The following HAPLN2 variants were observed in gnomAD, a reference collection of about 807,000 sequenced individuals.
HAPLN2 encodes the protein brain link protein-1.
HAPLN2 carries 27 observed loss-of-function variants against 29.3 expected under a neutral mutation model. That is an observed-to-expected ratio of 0.92 (90% CI 0.68 to 1.27). HAPLN2 has a LOEUF of 1.27. Ranked by LOEUF, HAPLN2 falls within the 50% of genes most tolerant of loss-of-function variation. The pLI is 0.00. For synonymous variants in HAPLN2, 208 were observed against 211.7 expected, an observed-to-expected ratio of 0.98 and a Z score of 0.15; for missense variants, 454 against 484.3, an observed-to-expected ratio of 0.94 and a Z score of 0.59.
In HAPLN2 at chr1:156,625,257, G is replaced by T; in HGVS notation, c.896G>T (p.Ser299Ile). 1 of 1,575,380 alleles carries T rather than the reference G, an allele frequency of 6.3e-7. No homozygotes were observed. The highest frequency in any genetic ancestry group is 1.2e-5 in the South Asian group (1 of 86,014). ...QCDGGWLADG[S>I]VRFPITTPRP... Reference sequence around the variant, plus strand: ...GACGGCGGCTGGCTGGCTGACGGCAGTGTGCGCTTCCCAATCACCACGCCG... The same window carrying T: ...GACGGCGGCTGGCTGGCTGACGGCATTGTGCGCTTCCCAATCACCACGCCG... The change falls in exon 7 of 7, where the codon AGT (serine) becomes ATT (isoleucine). Residue 299 changes from serine (S) to isoleucine (I), a missense_variant. Coordinates refer to ENST00000255039, the MANE Select transcript of HAPLN2 (RefSeq NM_021817.3). The surrounding 1 kb of genome is among the most constrained non-coding windows in gnomAD (Gnocchi z 5.7).
Position 156,623,886 on chromosome 1 carries a change from G to A in HAPLN2, c.165G>A (p.Leu55=), listed in dbSNP as rs1265654790. ...CTCATCGTGGGGCCACGGCCACGCT[G>A]CCCTGCGTCCTGGGCACCACGCCTC... ...IHSHRGATAT[L]PCVLGTTPPS... The change falls in exon 4 of 7, where the codon CTG becomes CTA. Residue 55 remains leucine (L), a synonymous_variant. Transcript: ENST00000255039. 6.3e-7 allele frequency: 1 copy of A among 1,586,314 alleles called. No individual in the cohort carries two copies. The highest frequency in any genetic ancestry group is 1.3e-5 in the African/African-American group (1 of 74,510).
At chr1:156,608,389 C>G in the HAPLN2 span, among the ~76,000 whole-genome samples, 1 of 152,282 alleles carries the variant, frequency 6.6e-6, no homozygotes, top group East Asian at 1.9e-4. Context: ...CCCTCTGGGT[C>G]TTGTCTCTGC....
chr1:156,605,622 G>C, the HAPLN2 span, among the ~76,000 whole-genome samples: 1 of 66,782 alleles, frequency 1.5e-5, no homozygotes. Context: ...AAAAAAAAAA[G>C]CAAAGGGCCC....
Position 156,625,050 on chromosome 1 carries a change from G to T in HAPLN2, c.740-51G>T, listed in dbSNP as rs190968146. 1.8e-3 allele frequency: 2,749 copies of T among 1,520,466 alleles called. 49 individuals carry two copies. In the African/African-American group the frequency reaches 0.034, roughly 19 times the overall value. The allele number at this position is 1,520,466 out of a possible 1,614,324, so 94.2% of individuals were successfully genotyped here. A position where few individuals can be genotyped will look rare whatever the true frequency, so the allele number is the denominator to read the frequency against. On this transcript the variant is annotated intron_variant, in intron 6 of 6. Transcript: ENST00000255039. This position sits in a 1 kb window ranked among gnomAD's most constrained non-coding sequence, Gnocchi z 5.7. ...CAACTCCGCCTCCTGGGTGTCAGCC[G>T]CCCCTCTCCGCCCACCCTGCCCTCG...
the HAPLN2 span, among the ~76,000 whole-genome samples, chr1:156,602,993 TC>T: frequency 6.6e-6 from 1 of 152,094 alleles, no homozygotes; most frequent in African/African-American, 2.4e-5. Flanking sequence ...TACCCATTCA[TC>T]CCCATAATTT....
the HAPLN2 span, among the ~76,000 whole-genome samples, chr1:156,602,188 C>T: frequency 6.6e-6 from 1 of 152,160 alleles, no homozygotes; most frequent in South Asian, 2.1e-4. Flanking sequence ...GATATGCACA[C>T]CTCGGCTTCC....
Position 156,625,222 on chromosome 1 carries a change from A to T in HAPLN2, c.861A>T (p.Leu287=). 6.4e-7 allele frequency: 1 copy of T among 1,568,210 alleles called. No homozygotes were observed. ...ACGCCGCCTGGAAGTTTTCGGGGCT[A>T]GACCAGTGCGACGGCGGCTGGCTGG... is the stretch of plus-strand genomic sequence containing the variant. ...HLYAAWKFSG[L]DQCDGGWLAD... The change falls in exon 7 of 7, where the codon CTA becomes CTT. Residue 287 remains leucine, a synonymous_variant. Coordinates refer to ENST00000255039, the MANE Select transcript of HAPLN2 (RefSeq NM_021817.3). This position sits in a 1 kb window ranked among gnomAD's most constrained non-coding sequence, Gnocchi z 5.7.
At chr1:156,623,708 T>C in intron 3 of HAPLN2, 99 bp from the exon 4 acceptor site, 1 of 1,503,588 alleles carries the variant, frequency 6.7e-7, no homozygotes, top group Non-Finnish European at 8.9e-7. Flanking sequence ...GAGGAGAGGG[T>C]TGGGGGGCTC....
chr1:156,607,632 CTA>C, the HAPLN2 span, among the ~76,000 whole-genome samples: 4 of 152,134 alleles, frequency 2.6e-5, no homozygotes, highest in African/African-American at 9.7e-5. Context: ...GAATGCCTCT[CTA>C]AATTCCTGGA....
upstream of HAPLN2, among the ~76,000 whole-genome samples, chr1:156,615,990 T>C (rs1678048575): frequency 6.6e-6 from 1 of 152,206 alleles, no homozygotes; most frequent in South Asian, 2.1e-4. Flanking sequence ...AAGAGAGCCA[T>C]GCCTTTTAAA....
rs543932163 is a variant in HAPLN2, at chr1:156,624,232, C to T, written c.439+72C>T. The T allele has an allele frequency of 3.3e-6, 5 of 1,526,180 alleles. No homozygotes were observed. In the South Asian group the frequency reaches 6.3e-5, roughly 19 times the overall value. 94.5% of individuals were successfully genotyped at this position (1,526,180 alleles called of 1,614,324 possible). A position where few individuals can be genotyped will look rare whatever the true frequency, so the allele number is the denominator to read the frequency against. The stretch of plus-strand genomic sequence containing the variant: ...GCCTCGCCTGGGTCTCCCAGGGCTC[C>T]TTCCCAGTATCTCCTCCGCACCCCT... On this transcript the variant is annotated intron_variant, in intron 4 of 6. Coordinates refer to ENST00000255039, the MANE Select transcript of HAPLN2 (RefSeq NM_021817.3).
At chr1:156,623,671 C>T in intron 3 of HAPLN2, 96 bp downstream of exon 3, 1 of 1,559,270 alleles carries the variant, frequency 6.4e-7, no homozygotes, top group Non-Finnish European at 8.7e-7. Context: ...TACCCAGGGA[C>T]TGAAAGTCAT....
the HAPLN2 span, among the ~76,000 whole-genome samples, chr1:156,604,214 C>T: frequency 6.6e-6 from 1 of 151,598 alleles, no homozygotes; most frequent in Non-Finnish European, 1.5e-5. Flanking sequence ...TATCTCACAA[C>T]AGGAGAAAGT....
chr1:156,623,890 T>C lies in HAPLN2; in HGVS notation c.169T>C (p.Cys57Arg). Residue 57 changes from cysteine to arginine, a missense_variant, in exon 4 of 7, where the codon TGC (cysteine) becomes CGC (arginine). This residue lies in a region of HAPLN2 where 204 missense variants were observed against 209.2 expected (regional missense o/e 0.98). Coordinates refer to ENST00000255039, the MANE Select transcript of HAPLN2 (RefSeq NM_021817.3). ...TCGTGGGGCCACGGCCACGCTGCCC[T>C]GCGTCCTGGGCACCACGCCTCCCAG... ...SHRGATATLP[C>R]VLGTTPPSYK... 6.3e-7 allele frequency: 1 copy of C among 1,589,394 alleles called. No homozygotes were observed. The highest frequency in any genetic ancestry group is 1.2e-5 in the South Asian group (1 of 86,670).
the HAPLN2 span, among the ~76,000 whole-genome samples, chr1:156,609,981 C>T: frequency 4.9e-4 from 74 of 152,018 alleles, no homozygotes; most frequent in African/African-American, 9.9e-4. Context: ...TTTGGGAGGT[C>T]GAGGTGGGCG....
chr1:156,611,666 G>A, the HAPLN2 span, among the ~76,000 whole-genome samples: 1 of 152,184 alleles, frequency 6.6e-6, no homozygotes, highest in East Asian at 1.9e-4. Flanking sequence ...CAATCAATCA[G>A]TAGCTGTCTG....
chr1:156,615,813 G>T (rs1332327388), upstream of HAPLN2, among the ~76,000 whole-genome samples: 1 of 151,606 alleles, frequency 6.6e-6, no homozygotes, highest in Non-Finnish European at 1.5e-5. Flanking sequence ...CTTGTGATCC[G>T]CCCACCTCGG....
intron 2 of HAPLN2, among the ~76,000 whole-genome samples, chr1:156,622,634 A>T (rs1461117036): frequency 6.6e-6 from 1 of 152,096 alleles, no homozygotes; most frequent in Non-Finnish European, 1.5e-5. Context: ...TGTCAGGGGA[A>T]CAGTGCAGAG....
chr1:156,618,951 C>T (rs1678134643), upstream of HAPLN2, among the ~76,000 whole-genome samples: 2 of 151,932 alleles, frequency 1.3e-5, no homozygotes, highest in Non-Finnish European at 2.9e-5. Flanking sequence ...TTTCCAAAGT[C>T]CTTCTGTCCT....
Sources: allele counts gnomAD v4.1 joint callset (sites outside exome capture counted in the v4.1 genomes callset), GRCh38; gene constraint gnomAD v4.1.1; regional missense constraint gnomAD v4.1.1; non-coding constraint Gnocchi (gnomAD v3.1); transcripts MANE v1.5; gene names NCBI Gene and HGNC (gene_info 2026-07-23, HGNC 2026-07-21).